The following ARID3A variants were observed in gnomAD, a reference collection of about 807,000 sequenced individuals.
The protein encoded by ARID3A is AT-rich interaction domain 3A, also known as AT-rich interactive domain-containing protein 3A.
A neutral mutation model predicts 52.7 loss-of-function variants in ARID3A; 11 were observed. The observed-to-expected ratio is 0.21, with a 90% CI of 0.13 to 0.35. The LOEUF is 0.35. Among genes scored for constraint, ARID3A ranks in the 10% least tolerant of loss-of-function variants. The pLI is 1.00. For synonymous variants in ARID3A, 404 were observed against 359.4 expected (o/e 1.12, Z -1.40); for missense variants, 721 against 838.5 (o/e 0.86, Z 1.73).
Position 932,600 on chromosome 19 carries a change from G to T in ARID3A, c.551G>T (p.Arg184Leu). ...PRKAQPPQAF[R>L]GDGVPRVLGG... ...AAGGCCCAGCCACCCCAGGCCTTCCGCGGCGATGGCGTTCCCAGGGTGCTG... is the reference window on the plus strand; with the variant it reads ...AAGGCCCAGCCACCCCAGGCCTTCCTCGGCGATGGCGTTCCCAGGGTGCTG... Residue 184 changes from arginine (R) to leucine (L), a missense_variant, in exon 3 of 9, where the codon CGC becomes CTC. By Grantham distance (102) the Arg-to-Leu change is moderately radical. Transcript: ENST00000263620. 5.3e-6 allele frequency: 8 copies of T among 1,516,772 alleles called. No individual in the cohort carries two copies. Among genetic ancestry groups the T allele is most frequent in the Non-Finnish European group, 7.1e-6 (8 of 1,134,572 alleles). The allele number at this position is 1,516,772 out of a possible 1,614,324, so 94.0% of individuals were successfully genotyped here. A position where few individuals can be genotyped will look rare whatever the true frequency, so the allele number is the denominator to read the frequency against.
chr19:946,316 C>T (rs2037678963), intron 3 of ARID3A, among the ~76,000 whole-genome samples: 2 of 152,062 alleles, frequency 1.3e-5, no homozygotes, highest in African/African-American at 4.8e-5. Context: ...GGCTGGAGTG[C>T]AGTGGTGCGA....
intron 2 of ARID3A, 125 bp from the exon 3 acceptor site, chr19:932,293 C>A: frequency 6.6e-7 from 1 of 1,523,500 alleles, no homozygotes; most frequent in Admixed American, 2.3e-5. Context: ...GCAGTCTGAG[C>A]TGGCGGCGGC....
intron 3 of ARID3A, among the ~76,000 whole-genome samples, chr19:934,123 C>T (rs916961922): frequency 3.3e-5 from 5 of 152,188 alleles, no homozygotes; most frequent in Non-Finnish European, 5.9e-5. Context: ...GGACTCAGCC[C>T]GCAGGGAGCC....
rs2037270239 is a variant in ARID3A, at chr19:929,471, C to A, written c.-58C>A. The A allele has an allele frequency of 1.2e-5, 18 of 1,464,952 alleles. No homozygotes were observed. The highest frequency in any genetic ancestry group is 1.6e-5 in the Non-Finnish European group (18 of 1,114,392). The allele number at this position is 1,464,952 out of a possible 1,614,324, so 90.7% of individuals were successfully genotyped here. On this transcript the variant is annotated 5_prime_UTR_variant, in exon 2 of 9. Coordinates refer to ENST00000263620, the MANE Select transcript of ARID3A (RefSeq NM_005224.3). This position sits in a 1 kb window ranked among gnomAD's most constrained non-coding sequence, Gnocchi z 6.2. ...CGCAGGGGCCGCCCCCGCCGCCCAC[C>A]CCTAGCGCCCGTGGTGGTGGTGGTG...
intron 3 of ARID3A, among the ~76,000 whole-genome samples, chr19:936,840 C>G (rs941838048): frequency 1.3e-5 from 2 of 151,864 alleles, no homozygotes; most frequent in East Asian, 1.9e-4. Flanking sequence ...GATTCTGTCT[C>G]TAAATAAATA....
chr19:932,070 A>G (rs1037767496), intron 2 of ARID3A, among the ~76,000 whole-genome samples: 13 of 151,222 alleles, frequency 8.6e-5, no homozygotes, highest in Admixed American at 1.3e-4. Flanking sequence ...ATCATAGCTC[A>G]CTACAGCCTC....
chr19:943,085 A>G (rs928135224), intron 3 of ARID3A, among the ~76,000 whole-genome samples: 3 of 151,958 alleles, frequency 2.0e-5, no homozygotes, highest in Admixed American at 2.0e-4. Flanking sequence ...CCTCAGCAAC[A>G]GAGTGAGACC....
At chr19:933,628 G>A (rs922588807) in intron 3 of ARID3A, among the ~76,000 whole-genome samples, 3 of 152,060 alleles carry the variant, frequency 2.0e-5, no homozygotes, top group East Asian at 3.9e-4. Context: ...TCCAGAATCC[G>A]CTCTGAGGAG....
intron 8 of ARID3A, among the ~76,000 whole-genome samples, chr19:970,757 G>T (rs2038262118): frequency 6.6e-6 from 1 of 152,000 alleles, no homozygotes; most frequent in Non-Finnish European, 1.5e-5. Context: ...ACAGGCATTA[G>T]CCACCACACC....
At chr19:948,381 T>G (rs2037731536) in intron 3 of ARID3A, among the ~76,000 whole-genome samples, 1 of 152,098 alleles carries the variant, frequency 6.6e-6, no homozygotes, top group South Asian at 2.1e-4. Flanking sequence ...CCTGGGAGTT[T>G]CCGGGACGGG....
Position 966,599 on chromosome 19 carries a change from T to C in ARID3A, c.1226T>C (p.Val409Ala), listed in dbSNP as rs761624925. Residue 409 changes from valine (V) to alanine (A), a missense_variant, in exon 7 of 9, where the codon GTC becomes GCC. Physicochemically the swap from Val to Ala is moderately conservative, Grantham distance 64 (BLOSUM62 0). This residue lies in a region of ARID3A where 297 missense variants were observed against 343.2 expected (regional missense o/e 0.87). Coordinates refer to ENST00000263620, the MANE Select transcript of ARID3A (RefSeq NM_005224.3). ...KEEDSAIPIT[V>A]PGRLPVSLAG... ...GAGGACTCAGCCATCCCCATCACAG[T>C]CCCTGGCCGCCTGCCTGTGTCCCTG... is the stretch of plus-strand genomic sequence containing the variant. 1 of 1,576,634 alleles carries C rather than the reference T, an allele frequency of 6.3e-7. No individual in the cohort carries two copies. Among genetic ancestry groups the C allele is most frequent in the East Asian group, 2.3e-5 (1 of 44,268 alleles).
Position 964,414 on chromosome 19 carries a change from C to T in ARID3A, c.933C>T (p.Ala311=), listed in dbSNP as rs1158230567. 1.2e-6 allele frequency: 2 copies of T among 1,602,352 alleles called. No individual in the cohort carries two copies. The highest frequency in any genetic ancestry group is 8.5e-7 in the Non-Finnish European group (1 of 1,174,374). Residue 311 remains alanine (A), a synonymous_variant, in exon 5 of 9, where the codon GCC becomes GCT. Transcript: ENST00000263620. The surrounding 1 kb of genome is among the most constrained non-coding windows in gnomAD (Gnocchi z 5.7). ...LNLPTSITSA[A]FTLRTQYMKY... ...TGCCCACGTCCATCACCAGTGCAGC[C>T]TTCACCCTGCGGACCCAGTGAGTGG... is the stretch of plus-strand genomic sequence containing the variant.
chr19:953,443 G>T (rs936462824), intron 3 of ARID3A, among the ~76,000 whole-genome samples: 10 of 151,830 alleles, frequency 6.6e-5, no homozygotes, highest in Non-Finnish European at 1.3e-4. Flanking sequence ...ATCAGGTGGG[G>T]GCGGCACCTC....
intron 2 of ARID3A, among the ~76,000 whole-genome samples, chr19:930,707 C>T (rs2037305719): frequency 6.6e-6 from 1 of 150,640 alleles, no homozygotes; most frequent in African/African-American, 2.4e-5. Context: ...GACGGGGTTT[C>T]ACCATGTTAG....
rs573769556 is a variant in ARID3A at position 973,094 on chromosome 19, G to T, written c.*1029G>T. Reference sequence around the variant, plus strand: ...CTTGTCTGCTGGGCTCTCGAGTCAGGGGCCTGGAAATTTTTTTTTTTTTTT... The same window carrying T: ...CTTGTCTGCTGGGCTCTCGAGTCAGTGGCCTGGAAATTTTTTTTTTTTTTT... On this transcript the variant is annotated 3_prime_UTR_variant, in exon 9 of 9. Transcript: ENST00000263620. 1.8e-5 allele frequency: 1 copy of T among 56,582 alleles called. No individual in the cohort carries two copies. Among genetic ancestry groups the T allele is most frequent in the East Asian group, 2.9e-4 (1 of 3,500 alleles). The allele number at this position is 56,582 out of a possible 1,614,324, so 3.5% of individuals were successfully genotyped here.
rs2046566690 is a variant in ARID3A, at chr19:941,651, C to T, written c.693+8909C>T. Among the ~76,000 whole-genome samples the T allele has an allele frequency of 6.6e-6, 1 of 152,090 alleles. No homozygotes were observed. Among genetic ancestry groups the T allele is most frequent in the Non-Finnish European group, 1.5e-5 (1 of 68,024 alleles). ...AACTATAAAGATGGGGTCTTGCCAT[C>T]ATGTTGCCCAGCCTGGTCTCAAACT... On this transcript the variant is annotated intron_variant, in intron 3 of 8. Transcript: ENST00000263620. This position sits in a 1 kb window ranked among gnomAD's most constrained non-coding sequence, Gnocchi z 6.9.
At position 972,801 on chromosome 19, in the gene ARID3A, CAAAAAAAAAAAA is replaced by C. The variant is rs57620894; in HGVS notation, c.*755_*766del. 9 of 75,934 alleles carry C rather than the reference CAAAAAAAAAAAA, an allele frequency of 1.2e-4. No individual in the cohort carries two copies. Among genetic ancestry groups the C allele is most frequent in the African/African-American group, 2.4e-4 (4 of 16,668 alleles). The allele number at this position is 75,934 out of a possible 1,614,324, so 4.7% of individuals were successfully genotyped here. ...GTCTTGAAAAAGCAAGAAAAAAAAG[CAAAAAAAAAAAA>C]AAAAAAAAAAAAAAAAAACTCACCT... On this transcript the variant is annotated 3_prime_UTR_variant, in exon 9 of 9. Coordinates refer to ENST00000263620, the MANE Select transcript of ARID3A (RefSeq NM_005224.3).
chr19:956,047 C>T (rs1239964458), intron 3 of ARID3A, among the ~76,000 whole-genome samples: 1 of 152,188 alleles, frequency 6.6e-6, no homozygotes, highest in Non-Finnish European at 1.5e-5. Flanking sequence ...TCTCCAGTGC[C>T]CACCGGCCTT....
chr19:971,455 T>C (rs2145477950), intron 8 of ARID3A, among the ~76,000 whole-genome samples: 1 of 151,988 alleles, frequency 6.6e-6, no homozygotes, highest in African/African-American at 2.4e-5. Flanking sequence ...GTACTAAAAA[T>C]AAAAAATTGG....
Sources: allele counts gnomAD v4.1 joint callset (sites outside exome capture counted in the v4.1 genomes callset), GRCh38; gene constraint gnomAD v4.1.1; regional missense constraint gnomAD v4.1.1; non-coding constraint Gnocchi (gnomAD v3.1); transcripts MANE v1.5; gene names NCBI Gene and HGNC (gene_info 2026-07-23, HGNC 2026-07-21).